The following ZCCHC17 variants were observed in gnomAD, a reference collection of about 807,000 sequenced individuals.
ZCCHC17 encodes the protein zinc finger CCHC domain-containing protein 17.
A neutral mutation model predicts 30.6 loss-of-function variants in ZCCHC17; 18 were observed. The ratio of observed to expected loss-of-function variants is 0.59; its 90% confidence interval spans 0.41 to 0.87. ZCCHC17 has a LOEUF of 0.87. Among genes scored for constraint, ZCCHC17 ranks in the 40% least tolerant of loss-of-function variants. ZCCHC17 has a pLI of 0.00. For missense variants in ZCCHC17, 263 were observed against 284.2 expected, an observed-to-expected ratio of 0.93 and a Z score of 0.54; for synonymous variants, 88 against 92.4, an observed-to-expected ratio of 0.95 and a Z score of 0.27.
chr1:31,299,195 C>T (rs1335759417), intron 1 of ZCCHC17, among the ~76,000 whole-genome samples: 3 of 152,060 alleles, frequency 2.0e-5, no homozygotes, highest in South Asian at 2.1e-4. Context: ...ATGTGCTAAC[C>T]GATGGGGATA....
chr1:31,304,021 T>C (rs572572203), intron 1 of ZCCHC17, among the ~76,000 whole-genome samples: 2 of 152,338 alleles, frequency 1.3e-5, no homozygotes, highest in South Asian at 4.1e-4. Context: ...CTGTATCCTT[T>C]ACTTCCATCC....
intron 7 of ZCCHC17, among the ~76,000 whole-genome samples, chr1:31,361,673 A>C (rs907669578): frequency 1.3e-5 from 2 of 152,254 alleles, no homozygotes; most frequent in Non-Finnish European, 1.5e-5. Flanking sequence ...ATCTACATGA[A>C]GATCCCAACT....
chr1:31,314,142 G>A (rs918210109), intron 2 of ZCCHC17, among the ~76,000 whole-genome samples: 11 of 152,188 alleles, frequency 7.2e-5, no homozygotes, highest in African/African-American at 2.7e-4. Flanking sequence ...TGGGATTACA[G>A]GTGTGAGCCA....
At chr1:31,325,845 AC>A (rs1042900772) in intron 3 of ZCCHC17, among the ~76,000 whole-genome samples, 1 of 152,006 alleles carries the variant, frequency 6.6e-6, no homozygotes, top group Non-Finnish European at 1.5e-5. Flanking sequence ...GAAAAGTGAC[AC>A]CTGAAGAATC....
rs541597254 is a variant in ZCCHC17 at position 31,318,107 on chromosome 1, A to C, written c.67-1002A>C. ...ATTATTTTGCATATAGTGAGTATTC[A>C]GTATATATTAGTAAATAGCAGTGCA... is the stretch of plus-strand genomic sequence containing the variant. On this transcript the variant is annotated intron_variant, in intron 2 of 7. Coordinates refer to ENST00000344147, the MANE Select transcript of ZCCHC17 (RefSeq NM_016505.4). The C allele has an allele frequency of 1.2e-5, 15 of 1,264,242 alleles. No homozygotes were observed. In the Admixed American group the frequency reaches 2.4e-4, roughly 20 times the overall value. 78.3% of individuals were successfully genotyped at this position (1,264,242 alleles called of 1,614,324 possible). A position where few individuals can be genotyped will look rare whatever the true frequency, so the allele number is the denominator to read the frequency against.
intron 5 of ZCCHC17, among the ~76,000 whole-genome samples, chr1:31,343,923 C>T (rs575994352): frequency 3.5e-5 from 5 of 142,210 alleles, no homozygotes; most frequent in African/African-American, 5.5e-5. Context: ...GGCACGATCT[C>T]GGCTCACTGC....
At chr1:31,315,380 T>C (rs1307755035) in intron 2 of ZCCHC17, among the ~76,000 whole-genome samples, 1 of 152,154 alleles carries the variant, frequency 6.6e-6, no homozygotes, top group East Asian at 1.9e-4. Flanking sequence ...GACCTAGTAA[T>C]TAAATAGCTG....
intron 2 of ZCCHC17, among the ~76,000 whole-genome samples, chr1:31,314,326 G>T (rs1339995587): frequency 6.6e-6 from 1 of 151,922 alleles, no homozygotes; most frequent in East Asian, 1.9e-4. Context: ...AAGTGACTTG[G>T]AGTTAGGGAA....
intron 3 of ZCCHC17, among the ~76,000 whole-genome samples, chr1:31,328,921 A>T (rs1383786657): frequency 6.6e-6 from 1 of 152,232 alleles, no homozygotes; most frequent in South Asian, 2.1e-4. Context: ...AGTTCCAGCT[A>T]CTTGGGAGAC....
chr1:31,310,037 A>T lies in ZCCHC17; in HGVS notation c.-55-7A>T. Reference sequence around the variant, plus strand: ...TCTCTAATTGGTGTCTGATTTCTTTATGACAGGACACTTGTATTAGCTTTA... The same window carrying T: ...TCTCTAATTGGTGTCTGATTTCTTTTTGACAGGACACTTGTATTAGCTTTA... On this transcript the variant is annotated splice_polypyrimidine_tract_variant and splice_region_variant and intron_variant, in intron 1 of 7. Transcript: ENST00000344147. 2 of 1,540,860 alleles carry T rather than the reference A, an allele frequency of 1.3e-6. No homozygotes were observed. Among genetic ancestry groups the T allele is most frequent in the Non-Finnish European group, 1.8e-6 (2 of 1,121,814 alleles).
At chr1:31,331,376 C>T (rs777245911) in intron 3 of ZCCHC17, among the ~76,000 whole-genome samples, 9 of 151,916 alleles carry the variant, frequency 5.9e-5, no homozygotes, top group Non-Finnish European at 8.8e-5. Flanking sequence ...GAACTCCTGA[C>T]TTCAAGTGAT....
chr1:31,305,709 T>C (rs1234741192), intron 1 of ZCCHC17, among the ~76,000 whole-genome samples: 1 of 152,212 alleles, frequency 6.6e-6, no homozygotes, highest in Non-Finnish European at 1.5e-5. Flanking sequence ...TCCAAAGTGC[T>C]GGAATTACAG....
chr1:31,342,844 A>G (rs959272382), intron 5 of ZCCHC17, among the ~76,000 whole-genome samples: 1 of 152,136 alleles, frequency 6.6e-6, no homozygotes, highest in Non-Finnish European at 1.5e-5. Context: ...GTGGTATTTG[A>G]GTTAGGTTTT....
chr1:31,354,673 A>G (rs985097740), intron 7 of ZCCHC17, among the ~76,000 whole-genome samples: 2 of 152,134 alleles, frequency 1.3e-5, no homozygotes, highest in African/African-American at 4.8e-5. Flanking sequence ...TATATTGAGT[A>G]TAATTTGTTA....
rs1275608812 is a variant in ZCCHC17, at chr1:31,348,872, A to G, written c.462A>G (p.Lys154=). ...GTTTCATGCAACCAGGTGGGACTAAATACTCTCTGATACCTGATGAGGAAG... is the reference window on the plus strand; with the variant it reads ...GTTTCATGCAACCAGGTGGGACTAAGTACTCTCTGATACCTGATGAGGAAG... ...KDCFMQPGGT[K]YSLIPDEEEE... Residue 154 remains lysine (K), a synonymous_variant, in exon 7 of 8, where the codon AAA becomes AAG. Coordinates refer to ENST00000344147, the MANE Select transcript of ZCCHC17 (RefSeq NM_016505.4). 2 of 1,613,298 alleles carry G rather than the reference A, an allele frequency of 1.2e-6. No individual in the cohort carries two copies. The highest frequency in any genetic ancestry group is 1.7e-5 in the Admixed American group (1 of 60,024).
rs770075729 is a variant in ZCCHC17, at chr1:31,319,097, C to G, written c.67-12C>G. 1 of 1,600,078 alleles carries G rather than the reference C, an allele frequency of 6.2e-7. No homozygotes were observed. ...TGTATGTGACATTGATTTTTTTCCC[C>G]CATCTTTATAGGTTGCTATGGTGAC... On this transcript the variant is annotated splice_polypyrimidine_tract_variant and intron_variant, in intron 2 of 7. Coordinates refer to ENST00000344147, the MANE Select transcript of ZCCHC17 (RefSeq NM_016505.4).
chr1:31,344,053 C>T (rs1639152240), intron 5 of ZCCHC17, among the ~76,000 whole-genome samples: 1 of 151,872 alleles, frequency 6.6e-6, no homozygotes, highest in South Asian at 2.1e-4. Context: ...CGGGGTTTCT[C>T]CATGTTGGTC....
At chr1:31,301,807 C>G (rs555757332) in intron 1 of ZCCHC17, among the ~76,000 whole-genome samples, 8 of 152,236 alleles carry the variant, frequency 5.3e-5, no homozygotes, top group African/African-American at 1.7e-4. Flanking sequence ...TACTATTCCT[C>G]TTTCCTGCTT....
At chr1:31,310,581 C>A (rs183843884) in intron 2 of ZCCHC17, among the ~76,000 whole-genome samples, 85 of 152,312 alleles carry the variant, frequency 5.6e-4, no homozygotes, top group Non-Finnish European at 1.1e-3. Flanking sequence ...AGTTTGATCT[C>A]TTTCTCTCCT....
Sources: gnomAD v4.1 joint callset for allele counts (sites outside exome capture counted in the v4.1 genomes callset) on GRCh38, gnomAD v4.1.1 for gene constraint, MANE v1.5 for transcripts, NCBI Gene and HGNC (gene_info 2026-07-23, HGNC 2026-07-21) for gene names.